The following CA8 variants were observed in gnomAD, a reference collection of about 807,000 sequenced individuals.
The protein encoded by CA8 is carbonic anhydrase-related protein.
Under a neutral mutation model 41.4 loss-of-function variants are expected in CA8, and 22 were observed. That is an observed-to-expected ratio of 0.53 (90% CI 0.38 to 0.76). The LOEUF (loss-of-function observed/expected upper bound fraction) is 0.76. Among genes scored for constraint, CA8 ranks in the 30% least tolerant of loss-of-function variants. The pLI is 0.00. For synonymous variants in CA8, 121 were observed against 130.6 expected, an observed-to-expected ratio of 0.93 and a Z score of 0.50; for missense variants, 270 against 352.8, an observed-to-expected ratio of 0.77 and a Z score of 1.88.
intron 7 of CA8, among the ~76,000 whole-genome samples, chr8:60,219,452 G>A (rs1378679131): frequency 1.2e-4 from 18 of 152,084 alleles, no homozygotes; most frequent in South Asian, 2.1e-4. Context: ...CACCGCGCCC[G>A]GCCTATTCTG....
intron 8 of CA8, among the ~76,000 whole-genome samples, chr8:60,193,000 A>G (rs1806179679): frequency 6.8e-6 from 1 of 148,014 alleles, no homozygotes; most frequent in South Asian, 2.2e-4. Context: ...AACCCTTCCC[A>G]TCTTCCCATC....
At chr8:60,228,307 T>TA (rs1807511746) in intron 4 of CA8, among the ~76,000 whole-genome samples, 1 of 152,240 alleles carries the variant, frequency 6.6e-6, no homozygotes, top group Non-Finnish European at 1.5e-5. Flanking sequence ...AATGCATATG[T>TA]ACCTGTGGCA....
intron 8 of CA8, among the ~76,000 whole-genome samples, chr8:60,206,884 A>G (rs745943628): frequency 2.0e-5 from 3 of 151,012 alleles, no homozygotes; most frequent in Non-Finnish European, 4.4e-5. Context: ...CTCTCCATCT[A>G]CTTGCTCCTT....
chr8:60,190,127 T>C (rs1012534679), intron 8 of CA8, 142 bp from the exon 9 acceptor site: 4 of 152,040 alleles, frequency 2.6e-5, no homozygotes, highest in African/African-American at 4.8e-5. Flanking sequence ...AAAATATCTT[T>C]GTGCTCAAGT....
intron 8 of CA8, among the ~76,000 whole-genome samples, chr8:60,191,584 G>A (rs1323109173): frequency 6.6e-6 from 1 of 152,094 alleles, no homozygotes; most frequent in Non-Finnish European, 1.5e-5. Flanking sequence ...TCCAAAAGGA[G>A]GATATTATTA....
intron 2 of CA8, among the ~76,000 whole-genome samples, chr8:60,277,658 T>C (rs2130633474): frequency 6.6e-6 from 1 of 152,270 alleles, no homozygotes; most frequent in East Asian, 1.9e-4. Flanking sequence ...CCCAGCCTAT[T>C]CAACTATTTT....
intron 6 of CA8, among the ~76,000 whole-genome samples, chr8:60,223,462 T>C (rs1035982572): frequency 1.3e-4 from 20 of 152,140 alleles, no homozygotes; most frequent in African/African-American, 4.8e-4. Flanking sequence ...CCAGCAATTA[T>C]TTCTTCTTTT....
intron 3 of CA8, among the ~76,000 whole-genome samples, chr8:60,246,914 T>C (rs1448840034): frequency 2.1e-5 from 3 of 142,252 alleles, no homozygotes; most frequent in Admixed American, 7.0e-5. Context: ...GATGGAGTCT[T>C]GCTCTGTCCC....
chr8:60,253,258 CAA>C (rs1808512780), intron 3 of CA8, among the ~76,000 whole-genome samples: 2 of 151,878 alleles, frequency 1.3e-5, no homozygotes, highest in Non-Finnish European at 2.9e-5. Flanking sequence ...AAAATAAAAA[CAA>C]TATGGATAGT....
chr8:60,226,324 C>T (rs1807436567), intron 5 of CA8, among the ~76,000 whole-genome samples: 1 of 152,046 alleles, frequency 6.6e-6, no homozygotes. Context: ...TTTCTGTGTG[C>T]CTGCAGCCTT....
chr8:60,242,329 AC>A (rs1311903336), intron 3 of CA8, among the ~76,000 whole-genome samples: 1 of 152,178 alleles, frequency 6.6e-6, no homozygotes, highest in Admixed American at 6.5e-5. Flanking sequence ...GCCATCAAAC[AC>A]CTCAATTTAA....
chr8:60,202,679 A>G (rs1806468762), intron 8 of CA8, among the ~76,000 whole-genome samples: 1 of 152,212 alleles, frequency 6.6e-6, no homozygotes, highest in South Asian at 2.1e-4. Flanking sequence ...AGGCTGGGGC[A>G]TCTATGGGCT....
intron 7 of CA8, among the ~76,000 whole-genome samples, chr8:60,221,925 A>G (rs1807264962): frequency 6.6e-6 from 1 of 152,256 alleles, no homozygotes; most frequent in African/African-American, 2.4e-5. Context: ...AGTATTTCCC[A>G]GGCCTTTTGA....
chr8:60,203,993 C>T (rs1396879299), intron 8 of CA8, among the ~76,000 whole-genome samples: 1 of 152,162 alleles, frequency 6.6e-6, no homozygotes, highest in African/African-American at 2.4e-5. Context: ...GAACATTTCC[C>T]CAATCCCTGT....
At chr8:60,193,515 T>C (rs72663286) in intron 8 of CA8, among the ~76,000 whole-genome samples, 42,521 of 152,146 alleles carry the variant, frequency 0.28, 6,172 homozygotes, top group Middle Eastern at 0.41. Flanking sequence ...GTGGTGGCTT[T>C]GATATCTATA....
At chr8:60,240,423 C>G (rs1168856795) in intron 3 of CA8, among the ~76,000 whole-genome samples, 6 of 152,208 alleles carry the variant, frequency 3.9e-5, no homozygotes, top group Non-Finnish European at 7.3e-5. Context: ...GCTGAAATCA[C>G]TGGTTGAGAG....
At chr8:60,215,626 T>C (rs1348869455) in intron 7 of CA8, among the ~76,000 whole-genome samples, 4 of 152,116 alleles carry the variant, frequency 2.6e-5, no homozygotes, top group Non-Finnish European at 5.9e-5. Context: ...AAATATATAC[T>C]CATTCAGATC....
At position 60,186,134 on chromosome 8, in the gene CA8, CTATAAA is replaced by C. The variant is rs1292705489; in HGVS notation, c.*3881_*3886del. Among the ~76,000 whole-genome samples, 14 of 151,928 alleles carry C rather than the reference CTATAAA, an allele frequency of 9.2e-5. No homozygotes were observed. Among genetic ancestry groups the C allele is most frequent in the Admixed American group, 7.2e-4 (11 of 15,250 alleles). ...AATTAAAAGCTTACTAGAAGAAACT[CTATAAA>C]TATAATTTGTTCTCAAGTCTCTGCT... is the stretch of plus-strand genomic sequence containing the variant. On this transcript the variant is annotated 3_prime_UTR_variant, in exon 9 of 9. Transcript: ENST00000317995.
chr8:60,276,336 C>T (rs994314102), intron 2 of CA8, among the ~76,000 whole-genome samples: 2 of 152,158 alleles, frequency 1.3e-5, no homozygotes, highest in Admixed American at 6.5e-5. Flanking sequence ...AAAAGAAAAG[C>T]AGCCTCCACA....
Sources: allele counts gnomAD v4.1 joint callset (sites outside exome capture counted in the v4.1 genomes callset), GRCh38; gene constraint gnomAD v4.1.1; transcripts MANE v1.5; gene names NCBI Gene and HGNC (gene_info 2026-07-23, HGNC 2026-07-21).